Variants in BLNK observed in about 807,000 individuals in gnomAD.
The protein encoded by BLNK is B-cell linker protein.
A neutral mutation model predicts 73.5 loss-of-function variants in BLNK; 29 were observed. That is an observed-to-expected ratio of 0.39 (90% CI 0.29 to 0.54). The LOEUF (loss-of-function observed/expected upper bound fraction) is 0.54. Ranked by LOEUF, BLNK falls within the 20% of genes least tolerant of loss-of-function variation. The probability of loss-of-function intolerance (pLI) is 0.61; values close to 1 mark genes in which losing one functional copy is unlikely to be tolerated. For synonymous variants in BLNK, 176 were observed against 200.8 expected, an observed-to-expected ratio of 0.88 and a Z score of 1.04; for missense variants, 460 against 562.8, an observed-to-expected ratio of 0.82 and a Z score of 1.85.
chr10:96,190,007 T>C lies in BLNK; in HGVS notation c.*1966A>G, dbSNP rs1420678737. ...TTTCAAAGGTGCCAGTGTTATTTAA[T>C]TGGACTGCCTTCATAATTCATTGCC... is the stretch of plus-strand genomic sequence containing the variant. On this transcript the variant is annotated 3_prime_UTR_variant, in exon 17 of 17. Transcript: ENST00000224337. 1.1e-5 allele frequency: 9 copies of C among 809,426 alleles called. No homozygotes were observed. Among genetic ancestry groups the C allele is most frequent in the Non-Finnish European group, 1.5e-5 (7 of 461,034 alleles). The allele number at this position is 809,426 out of a possible 1,614,324, so 50.1% of individuals were successfully genotyped here. A position where few individuals can be genotyped will look rare whatever the true frequency, so the allele number is the denominator to read the frequency against.
rs781967753 is a variant in BLNK at position 96,209,918 on chromosome 10, A to G, written c.677-11T>C. The G allele has an allele frequency of 6.2e-7, 1 of 1,614,174 alleles. No individual in the cohort carries two copies. ...CCCCACTGTTTCGACCTGCACAAAC[A>G]TATACACTACTCAGTCCCCAAGTCC... On this transcript the variant is annotated splice_polypyrimidine_tract_variant and intron_variant, in intron 8 of 16. Transcript: ENST00000224337.
At chr10:96,260,998 C>T (rs1554912620) in intron 1 of BLNK, among the ~76,000 whole-genome samples, 1 of 152,062 alleles carries the variant, frequency 6.6e-6, no homozygotes, top group African/African-American at 2.4e-5. Flanking sequence ...CATGTGCCAT[C>T]ATGCCCAGCT....
At chr10:96,251,973 T>C (rs1554909229) in intron 1 of BLNK, among the ~76,000 whole-genome samples, 1 of 152,166 alleles carries the variant, frequency 6.6e-6, no homozygotes, top group Non-Finnish European at 1.5e-5. Context: ...GGACCACAAC[T>C]GGCTGGGCCT....
chr10:96,222,848 G>A (rs2084229929), intron 6 of BLNK, among the ~76,000 whole-genome samples: 1 of 152,180 alleles, frequency 6.6e-6, no homozygotes, highest in African/African-American at 2.4e-5. Context: ...GTGTTACAGT[G>A]GGTATAATAG....
rs1322053139 is a variant in BLNK at position 96,210,012 on chromosome 10, G to A, written c.677-105C>T. On this transcript the variant is annotated intron_variant, in intron 8 of 16. Coordinates refer to ENST00000224337, the MANE Select transcript of BLNK (RefSeq NM_013314.4). ...AGGCTCAGAAATATTTGCACATACT[G>A]TGTTGCTTTCAGTTAAGCACATATA... 8 of 1,231,028 alleles carry A rather than the reference G, an allele frequency of 6.5e-6. No homozygotes were observed. The Admixed American group carries it at 1.0e-4, about 16-fold the overall frequency. The allele number at this position is 1,231,028 out of a possible 1,614,324, so 76.3% of individuals were successfully genotyped here.
intron 3 of BLNK, among the ~76,000 whole-genome samples, chr10:96,237,651 C>T (rs1554905373): frequency 6.6e-6 from 1 of 152,140 alleles, no homozygotes. Context: ...TCAAAGATAC[C>T]GAAGGCTGTT....
intron 3 of BLNK, among the ~76,000 whole-genome samples, chr10:96,235,880 G>A (rs1157396472): frequency 2.0e-5 from 3 of 152,090 alleles, no homozygotes; most frequent in South Asian, 2.1e-4. Context: ...TCTGCTGAGC[G>A]CTCACACAAA....
chr10:96,197,913 C>CAAAA (rs587730449), intron 15 of BLNK, among the ~76,000 whole-genome samples: 1 of 128,310 alleles, frequency 7.8e-6, no homozygotes, highest in Non-Finnish European at 1.6e-5. Context: ...GAGACAACAT[C>CAAAA]AAAAAAAAAA....
chr10:96,247,872 G>A (rs1239816362), intron 1 of BLNK, among the ~76,000 whole-genome samples: 1 of 152,188 alleles, frequency 6.6e-6, no homozygotes, highest in Non-Finnish European at 1.5e-5. Flanking sequence ...AGTAACCAAT[G>A]GGAAACCCCT....
In BLNK at chr10:96,191,233, C is replaced by T. The variant is rs1458635594; in HGVS notation, c.*740G>A. ...ATGTGGAACTGTGAGTCCATTAAACCTCTTTTTTTTTTTTTTTTTTTATGT... is the reference window on the plus strand; with the variant it reads ...ATGTGGAACTGTGAGTCCATTAAACTTCTTTTTTTTTTTTTTTTTTTATGT... On this transcript the variant is annotated 3_prime_UTR_variant, in exon 17 of 17. Coordinates refer to ENST00000224337, the MANE Select transcript of BLNK (RefSeq NM_013314.4). Among the ~76,000 whole-genome samples, 1 of 106,610 alleles carries T rather than the reference C, an allele frequency of 9.4e-6. No homozygotes were observed. The highest frequency in any genetic ancestry group is 2.0e-5 in the Non-Finnish European group (1 of 50,754). 69.9% of individuals were successfully genotyped at this position (106,610 alleles called of 152,430 possible).
chr10:96,213,545 A>G (rs2083994983), intron 8 of BLNK, among the ~76,000 whole-genome samples: 1 of 152,184 alleles, frequency 6.6e-6, no homozygotes, highest in South Asian at 2.1e-4. Flanking sequence ...TGAGAACACA[A>G]AGACCAAGAA....
At position 96,190,644 on chromosome 10, in the gene BLNK, T is replaced by G. The variant is rs1391258265; in HGVS notation, c.*1329A>C. On this transcript the variant is annotated 3_prime_UTR_variant, in exon 17 of 17. Coordinates refer to ENST00000224337, the MANE Select transcript of BLNK (RefSeq NM_013314.4). ...CCTGAAATTATTACCTTCTGGCCTT[T>G]CAACATACTTTCATAGATTGCTATC... 6.6e-6 allele frequency among the ~76,000 whole-genome samples: 1 copy of G among 152,258 alleles called. No homozygotes were observed. The highest frequency in any genetic ancestry group is 2.4e-5 in the African/African-American group (1 of 41,472).
chr10:96,270,816 G>T (rs1281735804), intron 1 of BLNK, among the ~76,000 whole-genome samples: 1 of 152,124 alleles, frequency 6.6e-6, no homozygotes, highest in African/African-American at 2.4e-5. Flanking sequence ...TGAGAGGCTT[G>T]TTATGGATAT....
chr10:96,271,488 C>G lies in BLNK; in HGVS notation c.-90G>C, dbSNP rs576335970. 5.6e-5 allele frequency: 78 copies of G among 1,398,854 alleles called. No homozygotes were observed. Among genetic ancestry groups the G allele is most frequent in the Non-Finnish European group, 6.8e-5 (67 of 985,334 alleles). The allele number at this position is 1,398,854 out of a possible 1,614,324, so 86.7% of individuals were successfully genotyped here. A position where few individuals can be genotyped will look rare whatever the true frequency, so the allele number is the denominator to read the frequency against. ...TCCTAGGGAGCAGCATGGTAAGCCT[C>G]TGGTCTCAAGGGTTCCGGCCACTCA... On this transcript the variant is annotated 5_prime_UTR_variant, in exon 1 of 17. Transcript: ENST00000224337.
At chr10:96,202,371 G>A (rs1333972166) in intron 13 of BLNK, among the ~76,000 whole-genome samples, 1 of 152,198 alleles carries the variant, frequency 6.6e-6, no homozygotes, top group Non-Finnish European at 1.5e-5. Flanking sequence ...GACTTGGACA[G>A]ATCACAGCAG....
At chr10:96,267,724 G>A (rs915838426) in intron 1 of BLNK, among the ~76,000 whole-genome samples, 4 of 152,160 alleles carry the variant, frequency 2.6e-5, no homozygotes, top group Non-Finnish European at 5.9e-5. Flanking sequence ...TGTCACAGAT[G>A]TCAGAATCAA....
chr10:96,209,866 C>T lies in BLNK; in HGVS notation c.718G>A (p.Ala240Thr), dbSNP rs782562224. The change falls in exon 9 of 17, where the codon GCT becomes ACT. Residue 240 changes from alanine to threonine, a missense_variant. Physicochemically the swap from Ala to Thr is moderately conservative, Grantham distance 58 (BLOSUM62 0). This residue lies in a region of BLNK where 233 missense variants were observed against 232.1 expected (regional missense o/e 1.00). Transcript: ENST00000224337. The stretch of plus-strand genomic sequence containing the variant: ...GCCCGTGGCAACGGGGATGGTGCAG[C>T]TGGTGGAGGTGACTTGGTTTCCCAG... ...GAWETKSPPP[A>T]APSPLPRAGK... 1 of 1,614,216 alleles carries T rather than the reference C, an allele frequency of 6.2e-7. No homozygotes were observed. The highest frequency in any genetic ancestry group is 1.7e-5 in the Admixed American group (1 of 60,026).
At chr10:96,198,337 A>C (rs2083529313) in intron 15 of BLNK, among the ~76,000 whole-genome samples, 1 of 152,214 alleles carries the variant, frequency 6.6e-6, no homozygotes, top group Non-Finnish European at 1.5e-5. Context: ...AAATAAGGGA[A>C]CAGAACAACC....
At chr10:96,226,159 T>C (rs1385927729) in intron 5 of BLNK, among the ~76,000 whole-genome samples, 2 of 152,214 alleles carry the variant, frequency 1.3e-5, no homozygotes, top group African/African-American at 4.8e-5. Flanking sequence ...AGTTCACTCC[T>C]CTGACCTCTT....
Sources: gnomAD v4.1 joint callset for allele counts (sites outside exome capture counted in the v4.1 genomes callset) on GRCh38, gnomAD v4.1.1 for gene constraint, gnomAD v4.1.1 regional missense constraint, MANE v1.5 for transcripts, NCBI Gene and HGNC (gene_info 2026-07-23, HGNC 2026-07-21) for gene names.